The following LUZP1 variants were observed in gnomAD, a reference collection of about 807,000 sequenced individuals.
LUZP1 encodes the protein leucine zipper protein 1, also known as filamin mechanobinding actin cross-linking protein.
Under a neutral mutation model 71.3 loss-of-function variants are expected in LUZP1, and 25 were observed. The ratio of observed to expected loss-of-function variants is 0.35; its 90% CI spans 0.26 to 0.49. LUZP1 has a LOEUF of 0.49. Ranked by LOEUF, LUZP1 falls within the 20% of genes least tolerant of loss-of-function variation. The probability of loss-of-function intolerance (pLI) is 0.99; values close to 1 mark genes in which losing one functional copy is unlikely to be tolerated. For missense variants in LUZP1, 1,142 were observed against 1,300.8 expected, an observed-to-expected ratio of 0.88 and a Z score of 1.88; for synonymous variants, 481 against 506.4, an observed-to-expected ratio of 0.95 and a Z score of 0.67.
At chr1:23,124,107 T>C (rs1428851005) in intron 2 of LUZP1, among the ~76,000 whole-genome samples, 1 of 152,058 alleles carries the variant, frequency 6.6e-6, no homozygotes, top group African/African-American at 2.4e-5. Flanking sequence ...GTACACACCA[T>C]GGTAAAGTTT....
intron 4 of LUZP1, 60 bp from the exon 4 acceptor site, chr1:23,089,113 C>G: frequency 1.3e-6 from 2 of 1,541,018 alleles, no homozygotes; most frequent in East Asian, 2.3e-5. Context: ...ACCGAGACAC[C>G]CTCACCTGCT....
intron 1 of LUZP1, among the ~76,000 whole-genome samples, chr1:23,171,388 A>G (rs1163255773): frequency 1.3e-5 from 2 of 152,340 alleles, no homozygotes; most frequent in Admixed American, 6.5e-5. Flanking sequence ...GCCATTCAGC[A>G]TGCCTCCAAG....
chr1:23,101,047 C>G (rs1383095601), intron 3 of LUZP1, among the ~76,000 whole-genome samples: 1 of 152,100 alleles, frequency 6.6e-6, no homozygotes, highest in Non-Finnish European at 1.5e-5. Flanking sequence ...GTTCTAAGCA[C>G]TACTCTATAA....
exon 5 of LUZP1, chr1:23,085,513 C>A (rs1643750840): frequency 6.6e-6 from 1 of 152,566 alleles, no homozygotes; most frequent in African/African-American, 2.4e-5. Flanking sequence ...AATAACAAAA[C>A]CTCATAACAA....
intron 2 of LUZP1, among the ~76,000 whole-genome samples, chr1:23,113,357 T>C (rs1416147758): frequency 6.6e-6 from 1 of 151,620 alleles, no homozygotes; most frequent in African/African-American, 2.4e-5. Context: ...CAGTGAGCCA[T>C]GTCCACACCA....
exon 5 of LUZP1, chr1:23,084,928 C>G (rs1377521023): frequency 3.9e-5 from 6 of 152,634 alleles, no homozygotes; most frequent in Non-Finnish European, 8.8e-5. Flanking sequence ...ACAGGGATGA[C>G]ATTGACAAAA....
chr1:23,146,966 G>A (rs1327098696), intron 2 of LUZP1, among the ~76,000 whole-genome samples: 4 of 151,818 alleles, frequency 2.6e-5, no homozygotes, highest in African/African-American at 4.8e-5. Context: ...GTGTGGTGGC[G>A]GGCAGCTGTA....
chr1:23,111,110 G>A (rs376531034), intron 2 of LUZP1, among the ~76,000 whole-genome samples: 30 of 149,456 alleles, frequency 2.0e-4, no homozygotes, highest in African/African-American at 7.2e-4. Flanking sequence ...TGAGGCAAGA[G>A]AACCTCTTCA....
chr1:23,154,709 ATTT>A lies in LUZP1; in HGVS notation c.-226+14054_-226+14056del, dbSNP rs1191570803. On this transcript the variant is annotated intron_variant, in intron 2 of 4. Transcript: ENST00000302291. ...AGGCGCCTGCCACCACACCTGGCTA[ATTT>A]TTTTTTTTTTTTTTTGTATTTTTAG... 3.2e-5 allele frequency among the ~76,000 whole-genome samples: 4 copies of A among 125,604 alleles called. No individual in the cohort carries two copies. The East Asian group carries it at 9.3e-4, about 29-fold the overall frequency. The allele number at this position is 125,604 out of a possible 152,430, so 82.4% of individuals were successfully genotyped here.
chr1:23,089,035 A>C, exon 5 of LUZP1: 5 of 1,614,038 alleles, frequency 3.1e-6, no homozygotes, highest in Non-Finnish European at 4.2e-6. Context: ...CTGAGTGTAC[A>C]GTCTTCCCCT....
chr1:23,103,974 G>A (rs1199349312), intron 3 of LUZP1, among the ~76,000 whole-genome samples: 4 of 150,078 alleles, frequency 2.7e-5, no homozygotes, highest in African/African-American at 9.8e-5. Context: ...CTGTATTCGG[G>A]GAATTTAATT....
exon 4 of LUZP1, chr1:23,092,451 T>C: frequency 1.2e-6 from 2 of 1,614,212 alleles, no homozygotes; most frequent in Admixed American, 1.7e-5. Flanking sequence ...ATAAGGATAC[T>C]TCGATAGAAC....
In LUZP1 at chr1:23,093,092, C is replaced by T. The variant is rs141314116; in HGVS notation, c.1170G>A (p.Ala390=). The change falls in exon 4 of 5, where the codon GCG becomes GCA. Residue 390 remains alanine, a synonymous_variant. Transcript: ENST00000302291. This position sits in a 1 kb window ranked among gnomAD's most constrained non-coding sequence, Gnocchi z 4.2. ...GCTTATGCTGAGGAGACAGTTCCCG[C>T]GCTGTGTGCTTGGACACAGAAGCTT... 168 of 1,614,112 alleles carry T rather than the reference C, an allele frequency of 1.0e-4. No individual in the cohort carries two copies. In the African/African-American group the frequency reaches 1.7e-3, roughly 17 times the overall value.
intron 3 of LUZP1, among the ~76,000 whole-genome samples, chr1:23,099,475 A>G (rs929472752): frequency 1.6e-5 from 1 of 64,224 alleles, no homozygotes; most frequent in African/African-American, 3.9e-5. Flanking sequence ...AAGCTGTTAA[A>G]GAAAACCCAG....
chr1:23,102,968 G>T (rs76647086), intron 3 of LUZP1, among the ~76,000 whole-genome samples: 18,813 of 151,572 alleles, frequency 0.12, 1,535 homozygotes, highest in Middle Eastern at 0.28. Context: ...TTGAGACAGG[G>T]TCTACCAGGC....
intron 2 of LUZP1, among the ~76,000 whole-genome samples, chr1:23,137,407 G>A (rs920287421): frequency 6.6e-6 from 1 of 152,208 alleles, no homozygotes; most frequent in African/African-American, 2.4e-5. Flanking sequence ...TTGGGAGGCT[G>A]AGGCAGGTGG....
chr1:23,138,695 GTGTATATA>G (rs1410352957), intron 2 of LUZP1, among the ~76,000 whole-genome samples: 1,575 of 109,596 alleles, frequency 0.014, 37 homozygotes, highest in African/African-American at 0.07. Flanking sequence ...GTGTGTGTGT[GTGTATATA>G]TATATATATA....
intron 2 of LUZP1, among the ~76,000 whole-genome samples, chr1:23,145,246 TG>T (rs1262197933): frequency 1.3e-5 from 2 of 152,086 alleles, no homozygotes; most frequent in Non-Finnish European, 2.9e-5. Context: ...AGTTTCTTCA[TG>T]GATTTCTTTG....
intron 2 of LUZP1, among the ~76,000 whole-genome samples, chr1:23,143,734 C>A (rs1036064467): frequency 1.3e-5 from 2 of 152,168 alleles, no homozygotes; most frequent in Non-Finnish European, 2.9e-5. Flanking sequence ...CACAGTAATA[C>A]ATCCCAGCAT....
Sources: allele counts gnomAD v4.1 joint callset (sites outside exome capture counted in the v4.1 genomes callset), GRCh38; gene constraint gnomAD v4.1.1; non-coding constraint Gnocchi (gnomAD v3.1); transcripts MANE v1.5; gene names NCBI Gene and HGNC (gene_info 2026-07-23, HGNC 2026-07-21).